The following ADAM23 variants were observed in gnomAD, a reference collection of about 807,000 sequenced individuals.
The protein encoded by ADAM23 is disintegrin and metalloproteinase domain-containing protein 23.
ADAM23 carries 33 observed loss-of-function variants against 120.1 expected under a neutral mutation model. The ratio of observed to expected loss-of-function variants is 0.27; its 90% CI spans 0.21 to 0.37. ADAM23 has a LOEUF of 0.37. Among genes scored for constraint, ADAM23 ranks in the 10% least tolerant of loss-of-function variants. ADAM23 has a pLI of 1.00. For missense variants in ADAM23, 862 were observed against 1,058.2 expected (o/e 0.81, Z 2.57); for synonymous variants, 367 against 375.2 (o/e 0.98, Z 0.25).
intron 24 of ADAM23, among the ~76,000 whole-genome samples, chr2:206,600,717 A>G (rs1371189183): frequency 6.6e-6 from 1 of 152,172 alleles, no homozygotes; most frequent in Non-Finnish European, 1.5e-5. Flanking sequence ...TTGCCACTGT[A>G]GTCACCCTGT....
At chr2:206,568,712 T>C (rs530793448) in intron 15 of ADAM23, among the ~76,000 whole-genome samples, 4 of 152,372 alleles carry the variant, frequency 2.6e-5, no homozygotes, top group Admixed American at 6.5e-5. Context: ...AAATTTCGTA[T>C]TTCTTTTTAA....
intron 2 of ADAM23, among the ~76,000 whole-genome samples, chr2:206,460,282 T>A (rs754079859): frequency 2.6e-5 from 4 of 152,222 alleles, no homozygotes; most frequent in Non-Finnish European, 5.9e-5. Flanking sequence ...TATTTTTAAT[T>A]TTTGGAGGAA....
intron 3 of ADAM23, among the ~76,000 whole-genome samples, chr2:206,527,618 T>C (rs1453169361): frequency 6.6e-6 from 1 of 152,232 alleles, no homozygotes. Flanking sequence ...GAAAGTTGCA[T>C]TTTTCACCCT....
chr2:206,496,891 A>G (rs971182499), intron 3 of ADAM23, among the ~76,000 whole-genome samples: 4 of 152,366 alleles, frequency 2.6e-5, no homozygotes, highest in African/African-American at 4.8e-5. Flanking sequence ...CAAATAAACT[A>G]GAAAATCTAG....
chr2:206,473,056 G>A (rs3755223), intron 2 of ADAM23, among the ~76,000 whole-genome samples: 11,915 of 152,022 alleles, frequency 0.078, 591 homozygotes, highest in Admixed American at 0.13. Flanking sequence ...GGCATTTTTC[G>A]GGCATGTATG....
At chr2:206,517,060 G>T (rs1180064134) in intron 3 of ADAM23, among the ~76,000 whole-genome samples, 1 of 151,994 alleles carries the variant, frequency 6.6e-6, no homozygotes, top group Non-Finnish European at 1.5e-5. Flanking sequence ...AAAAAAACAC[G>T]CTCGTACACA....
chr2:206,489,726 G>C (rs1696091649), intron 3 of ADAM23, among the ~76,000 whole-genome samples: 1 of 152,192 alleles, frequency 6.6e-6, no homozygotes, highest in African/African-American at 2.4e-5. Context: ...AGGGACTCCA[G>C]CATGGGCTGT....
intron 2 of ADAM23, among the ~76,000 whole-genome samples, chr2:206,451,917 A>G (rs1157243774): frequency 6.6e-6 from 1 of 152,234 alleles, no homozygotes. Flanking sequence ...TACTTCTAGT[A>G]GGAAGAGACA....
At position 206,596,177 on chromosome 2, in the gene ADAM23, G is replaced by C; in HGVS notation, c.2359+15G>C. ...AGGACCCAAGGGTTTGTGTGATTTT[G>C]GTTTCAATTCATGGAATACTGAATT... On this transcript the variant is annotated intron_variant, in intron 24 of 25. Coordinates refer to ENST00000264377, the MANE Select transcript of ADAM23 (RefSeq NM_003812.4). The C allele has an allele frequency of 3.1e-6, 5 of 1,602,768 alleles. No individual in the cohort carries two copies. Among genetic ancestry groups the C allele is most frequent in the East Asian group, 2.2e-5 (1 of 44,758 alleles).
chr2:206,573,333 T>C (rs777819014), intron 18 of ADAM23, 138 bp downstream of exon 18: 1 of 799,168 alleles, frequency 1.3e-6, no homozygotes, highest in African/African-American at 1.7e-5. Flanking sequence ...TAATGAGATA[T>C]CTTGGGGATG....
chr2:206,576,063 G>A lies in ADAM23; in HGVS notation c.1737+2868G>A, dbSNP rs1212378964. Among the ~76,000 whole-genome samples, 8 of 152,068 alleles carry A rather than the reference G, an allele frequency of 5.3e-5. No individual in the cohort carries two copies. In the East Asian group the frequency reaches 5.8e-4, roughly 11 times the overall value. On this transcript the variant is annotated intron_variant, in intron 18 of 25. Transcript: ENST00000264377. The stretch of plus-strand genomic sequence containing the variant: ...TGGTACAGTGAAATATGTTCAGGCC[G>A]TGTTTTCATGATTTTTATGCATATC...
At chr2:206,588,003 C>A in intron 19 of ADAM23, 88 bp from the exon 20 acceptor site, 1 of 1,387,828 alleles carries the variant, frequency 7.2e-7, no homozygotes, top group Non-Finnish European at 1.0e-6. Context: ...AAACTTTATC[C>A]AAGTGAACCA....
At chr2:206,542,016 A>G in intron 4 of ADAM23, 36 bp from the exon 5 acceptor site, 2 of 1,605,986 alleles carry the variant, frequency 1.2e-6, no homozygotes, top group Non-Finnish European at 1.7e-6. Flanking sequence ...ATCATAATGC[A>G]TAAAATACAA....
intron 18 of ADAM23, among the ~76,000 whole-genome samples, chr2:206,576,167 TTC>T (rs1464484379): frequency 7.9e-5 from 12 of 152,280 alleles, no homozygotes; most frequent in South Asian, 2.1e-4. Context: ...GAATTGTAGG[TTC>T]TGTGTTTAAT....
chr2:206,489,483 T>G (rs970169017), intron 3 of ADAM23, among the ~76,000 whole-genome samples: 2 of 152,148 alleles, frequency 1.3e-5, no homozygotes, highest in African/African-American at 4.8e-5. Context: ...GCTTTCCATT[T>G]CAGGAGTCTC....
chr2:206,515,311 G>GT (rs1696707438), intron 3 of ADAM23, among the ~76,000 whole-genome samples: 1 of 152,260 alleles, frequency 6.6e-6, no homozygotes, highest in Non-Finnish European at 1.5e-5. Flanking sequence ...AGCAAGATCT[G>GT]TTTTTTAAAA....
At chr2:206,474,710 G>A (rs1183498914) in intron 2 of ADAM23, among the ~76,000 whole-genome samples, 1 of 152,014 alleles carries the variant, frequency 6.6e-6, no homozygotes, top group Non-Finnish European at 1.5e-5. Context: ...GAGTAGCTGG[G>A]ACTAGAGGCA....
intron 3 of ADAM23, among the ~76,000 whole-genome samples, chr2:206,530,142 T>A (rs1228804055): frequency 6.6e-6 from 1 of 152,118 alleles, no homozygotes; most frequent in East Asian, 1.9e-4. Flanking sequence ...TTGAAAAAAA[T>A]CAAAAGAAGG....
chr2:206,599,314 G>A (rs893885802), intron 24 of ADAM23, among the ~76,000 whole-genome samples: 1 of 151,544 alleles, frequency 6.6e-6, no homozygotes, highest in African/African-American at 2.4e-5. Context: ...TTATCTATTG[G>A]TTCTAAAATT....
Sources: allele counts gnomAD v4.1 joint callset (sites outside exome capture counted in the v4.1 genomes callset), GRCh38; gene constraint gnomAD v4.1.1; transcripts MANE v1.5; gene names NCBI Gene and HGNC (gene_info 2026-07-23, HGNC 2026-07-21).